Variants in SIK3 observed in about 807,000 individuals in gnomAD.
The protein encoded by SIK3 is serine/threonine-protein kinase SIK3.
A neutral mutation model predicts 144.2 loss-of-function variants in SIK3; 28 were observed. That is an observed-to-expected ratio of 0.19 (90% CI 0.14 to 0.27). The LOEUF is 0.27. Ranked by LOEUF, SIK3 falls within the 10% of genes least tolerant of loss-of-function variation. SIK3 has a pLI of 1.00. For synonymous variants in SIK3, 686 were observed against 676.3 expected (o/e 1.01, Z -0.22); for missense variants, 1,319 against 1,776.0 (o/e 0.74, Z 4.62).
At chr11:116,993,699 A>AG (rs1448508336) in intron 1 of SIK3, among the ~76,000 whole-genome samples, 3 of 152,214 alleles carry the variant, frequency 2.0e-5, no homozygotes, top group Non-Finnish European at 4.4e-5. Context: ...GCAGGGTGCA[A>AG]GGGGAGGATG....
chr11:116,966,301 G>T (rs1167551279), intron 1 of SIK3, among the ~76,000 whole-genome samples: 1 of 152,098 alleles, frequency 6.6e-6, no homozygotes, highest in Non-Finnish European at 1.5e-5. Context: ...AGACTGAGGT[G>T]GGAAGATCAT....
intron 1 of SIK3, among the ~76,000 whole-genome samples, chr11:116,977,718 T>A (rs1364592134): frequency 6.6e-6 from 1 of 152,196 alleles, no homozygotes; most frequent in African/African-American, 2.4e-5. Flanking sequence ...AAGCTAATTT[T>A]AAGACAGGTA....
intron 1 of SIK3, among the ~76,000 whole-genome samples, chr11:116,982,943 CAAAAAAAAAA>C (rs35698580): frequency 1.4e-5 from 1 of 69,856 alleles, no homozygotes. Context: ...GACTCCGTCT[CAAAAAAAAAA>C]AAAAAAAAAA....
In SIK3 at chr11:116,870,360, G is replaced by A. The variant is rs371384308; in HGVS notation, c.1779C>T (p.Asp593=). The A allele has an allele frequency of 3.8e-5, 62 of 1,612,808 alleles. No homozygotes were observed. The highest frequency in any genetic ancestry group is 2.5e-4 in the African/African-American group (19 of 75,022). ...AVTPVDEESS[D]GEPDQEAVQR... ...GCACAGCTTCCTGGTCTGGCTCCCC[G>A]TCTGAGCTCTCCTCGTCCACAGGGG... Residue 593 remains aspartate (D), a synonymous_variant, in exon 14 of 25, where the codon GAC becomes GAT. Coordinates refer to ENST00000445177, the MANE Select transcript of SIK3 (RefSeq NM_001366686.3).
At chr11:117,034,819 T>C (rs1364551442) in intron 1 of SIK3, among the ~76,000 whole-genome samples, 1 of 152,190 alleles carries the variant, frequency 6.6e-6, no homozygotes, top group Non-Finnish European at 1.5e-5. Context: ...GCAAGTTCTA[T>C]TATAAATAGT....
At chr11:117,056,810 G>A (rs1953557392) in intron 1 of SIK3, among the ~76,000 whole-genome samples, 1 of 152,052 alleles carries the variant, frequency 6.6e-6, no homozygotes, top group African/African-American at 2.4e-5. Flanking sequence ...ACAAATTCAA[G>A]GATGGTCCAC....
intron 1 of SIK3, among the ~76,000 whole-genome samples, chr11:117,023,609 C>CAAAAAAAAA (rs71469123): frequency 7.7e-5 from 4 of 51,988 alleles, no homozygotes; most frequent in East Asian, 6.4e-4. Flanking sequence ...AACAAACAAA[C>CAAAAAAAAA]AAAAAAAAAA....
At chr11:116,927,896 C>G (rs1947365267) in intron 3 of SIK3, among the ~76,000 whole-genome samples, 1 of 152,228 alleles carries the variant, frequency 6.6e-6, no homozygotes, top group East Asian at 1.9e-4. Context: ...TCTGCTTTCT[C>G]AAAGTTCTTC....
At position 116,897,179 on chromosome 11, in the gene SIK3, A is replaced by C. The variant is rs1056015996; in HGVS notation, c.741+14T>G. 31 of 1,613,030 alleles carry C rather than the reference A, an allele frequency of 1.9e-5. No individual in the cohort carries two copies. Among genetic ancestry groups the C allele is most frequent in the Non-Finnish European group, 2.5e-5 (29 of 1,179,536 alleles). ...AGCTAATGCTGTGGGGTATAAGAGA[A>C]GGCAGTTACTTACCCAGATGTCCAC... On this transcript the variant is annotated intron_variant, in intron 5 of 24. Transcript: ENST00000445177.
intron 6 of SIK3, 47 bp downstream of exon 6, chr11:116,896,206 T>C: frequency 6.2e-7 from 1 of 1,604,582 alleles, no homozygotes; most frequent in Non-Finnish European, 8.5e-7. Context: ...TGAGTGGGTC[T>C]AACTTTCATG....
intron 1 of SIK3, among the ~76,000 whole-genome samples, chr11:117,056,552 GAT>G (rs1230786443): frequency 9.5e-6 from 1 of 105,216 alleles, no homozygotes; most frequent in South Asian, 2.8e-4. Flanking sequence ...TATAGATATA[GAT>G]ATAGATATAG....
intron 3 of SIK3, among the ~76,000 whole-genome samples, chr11:116,935,377 T>C (rs1565471245): frequency 6.6e-6 from 1 of 152,074 alleles, no homozygotes; most frequent in Non-Finnish European, 1.5e-5. Flanking sequence ...AAAAACACTT[T>C]TTTTACTCTT....
intron 1 of SIK3, among the ~76,000 whole-genome samples, chr11:117,050,687 CA>C (rs976411847): frequency 6.7e-6 from 1 of 150,124 alleles, no homozygotes; most frequent in Non-Finnish European, 1.5e-5. Context: ...GACTTCATCT[CA>C]AAAAAAATAA....
intron 1 of SIK3, among the ~76,000 whole-genome samples, chr11:116,996,499 G>A (rs960439095): frequency 1.4e-4 from 22 of 152,130 alleles, no homozygotes; most frequent in African/African-American, 5.3e-4. Flanking sequence ...GACAGGAGAA[G>A]GGGGAGACCC....
intron 13 of SIK3, among the ~76,000 whole-genome samples, chr11:116,872,506 T>A (rs547997652): frequency 6.6e-6 from 1 of 152,376 alleles, no homozygotes; most frequent in East Asian, 1.9e-4. Context: ...ATTCTTTCAT[T>A]ACTGAAAGTG....
intron 4 of SIK3, among the ~76,000 whole-genome samples, chr11:116,921,105 A>C (rs1277796452): frequency 6.6e-6 from 1 of 152,198 alleles, no homozygotes; most frequent in Non-Finnish European, 1.5e-5. Context: ...AAGAAAAGTT[A>C]AAAGTCGGAG....
intron 14 of SIK3, chr11:116,869,335 G>T (rs1943828709): frequency 6.6e-6 from 1 of 152,204 alleles, no homozygotes. Flanking sequence ...ACTGGGGATA[G>T]GATGAGAGTC....
Position 116,987,972 on chromosome 11 carries a change from G to A in SIK3, c.274-30908C>T, listed in dbSNP as rs180907330. ...TGAGGTATGTAAAGGACGTTACCTC[G>A]ACACAGCACCACGTACTGTGAGAAG... On this transcript the variant is annotated intron_variant, in intron 1 of 24. Transcript: ENST00000445177. 1.8e-4 allele frequency among the ~76,000 whole-genome samples: 28 copies of A among 152,254 alleles called. 1 individual carries two copies. In the East Asian group the frequency reaches 3.9e-3, roughly 21 times the overall value.
chr11:116,962,677 C>T (rs545519448), intron 1 of SIK3, among the ~76,000 whole-genome samples: 1 of 152,208 alleles, frequency 6.6e-6, no homozygotes, highest in East Asian at 1.9e-4. Flanking sequence ...TGATCTAGAT[C>T]TGTACAGTGT....
Sources: allele counts gnomAD v4.1 joint callset (sites outside exome capture counted in the v4.1 genomes callset), GRCh38; gene constraint gnomAD v4.1.1; transcripts MANE v1.5; gene names NCBI Gene and HGNC (gene_info 2026-07-23, HGNC 2026-07-21).